PCSK6: variants seen among roughly 807,000 people sequenced by gnomAD.
The protein encoded by PCSK6 is paired basic amino acid cleaving enzyme 4.
A neutral mutation model predicts 123.3 loss-of-function variants in PCSK6; 85 were observed. That is an observed-to-expected ratio of 0.69 (90% CI 0.58 to 0.83). The LOEUF is 0.83. Among genes scored for constraint, PCSK6 ranks in the 40% least tolerant of loss-of-function variants. The pLI, the probability that PCSK6 is intolerant of heterozygous loss-of-function variation, is 0.00. For missense variants in PCSK6, 1,191 were observed against 1,282.3 expected (o/e 0.93, Z 1.09); for synonymous variants, 508 against 516.0 (o/e 0.98, Z 0.21).
intron 13 of PCSK6, among the ~76,000 whole-genome samples, chr15:101,353,327 A>T (rs2040948913): frequency 6.6e-6 from 1 of 152,134 alleles, no homozygotes; most frequent in Non-Finnish European, 1.5e-5. Context: ...TGCCGATGTG[A>T]CAGGAGGTAG....
intron 1 of PCSK6, among the ~76,000 whole-genome samples, chr15:101,482,529 G>C (rs2057914633): frequency 6.6e-6 from 1 of 152,084 alleles, no homozygotes; most frequent in Admixed American, 6.6e-5. Context: ...CTGTGTAGAG[G>C]CTCAGAGATC....
At chr15:101,437,267 C>T (rs992321082) in intron 2 of PCSK6, among the ~76,000 whole-genome samples, 4 of 152,192 alleles carry the variant, frequency 2.6e-5, no homozygotes, top group South Asian at 2.1e-4. Context: ...AAGTGAGAGA[C>T]GATTACATGG....
chr15:101,477,130 T>C (rs2057751527), intron 1 of PCSK6, among the ~76,000 whole-genome samples: 1 of 152,186 alleles, frequency 6.6e-6, no homozygotes. Flanking sequence ...TACGCCAAGG[T>C]ACACTGAGCA....
intron 1 of PCSK6, among the ~76,000 whole-genome samples, chr15:101,482,786 CTGAGTCTGCTCCTGAT>C (rs2057922838): frequency 1.0e-5 from 1 of 100,120 alleles, no homozygotes; most frequent in African/African-American, 3.7e-5. Context: ...AGTCCTGATT[CTGAGTCTGCTCCTGAT>C]TCTGAGTCTG....
At chr15:101,352,789 G>T (rs2040930307) in intron 13 of PCSK6, among the ~76,000 whole-genome samples, 1 of 152,200 alleles carries the variant, frequency 6.6e-6, no homozygotes, top group African/African-American at 2.4e-5. Context: ...TTGTTGCGAT[G>T]TTGATGAGGA....
At chr15:101,311,324 G>A (rs1173728320) in intron 20 of PCSK6, among the ~76,000 whole-genome samples, 2 of 131,432 alleles carry the variant, frequency 1.5e-5, no homozygotes, top group African/African-American at 3.0e-5. Flanking sequence ...AAGGGGTTTT[G>A]CCATGTTGGC....
At chr15:101,409,273 T>C (rs188257585) in intron 6 of PCSK6, among the ~76,000 whole-genome samples, 176 of 121,930 alleles carry the variant, frequency 1.4e-3, no homozygotes, top group African/African-American at 5.2e-3. Context: ...CTGGCCAACA[T>C]GGTGAAACCC....
intron 21 of PCSK6, among the ~76,000 whole-genome samples, 163 bp downstream of exon 21, chr15:101,307,050 C>T (rs971250744): frequency 1.5e-4 from 23 of 152,224 alleles, no homozygotes; most frequent in African/African-American, 4.1e-4. Context: ...CAGCTGTCTT[C>T]CATATCAGCT....
intron 6 of PCSK6, among the ~76,000 whole-genome samples, chr15:101,411,766 G>A (rs926112689): frequency 1.3e-5 from 2 of 152,218 alleles, no homozygotes; most frequent in African/African-American, 2.4e-5. Context: ...CCACCCATGC[G>A]AGGACGAAAT....
chr15:101,366,139 A>G (rs1283258153), intron 13 of PCSK6, 57 bp downstream of exon 13: 57 of 1,537,364 alleles, frequency 3.7e-5, no homozygotes, highest in Non-Finnish European at 4.9e-5. Flanking sequence ...TAAGGCCCAG[A>G]GGTAAAAAGA....
intron 1 of PCSK6, among the ~76,000 whole-genome samples, chr15:101,481,893 A>G (rs1358595183): frequency 6.6e-6 from 1 of 152,148 alleles, no homozygotes; most frequent in Admixed American, 6.5e-5. Flanking sequence ...TCCCTCCAAT[A>G]GAGAGAGGTG....
At chr15:101,469,417 A>G (rs954868577) in intron 1 of PCSK6, among the ~76,000 whole-genome samples, 23 of 152,200 alleles carry the variant, frequency 1.5e-4, no homozygotes, top group Non-Finnish European at 2.9e-4. Flanking sequence ...CCATTCCTTC[A>G]TAAGCTTCTA....
intron 1 of PCSK6, among the ~76,000 whole-genome samples, chr15:101,462,244 G>C (rs775583267): frequency 2.0e-5 from 3 of 152,194 alleles, no homozygotes; most frequent in Non-Finnish European, 1.5e-5. Context: ...TCAGAGATGT[G>C]TAAGTTGTGT....
intron 6 of PCSK6, among the ~76,000 whole-genome samples, chr15:101,414,585 G>A (rs1188439279): frequency 3.9e-5 from 6 of 152,052 alleles, no homozygotes; most frequent in African/African-American, 7.2e-5. Flanking sequence ...ACTGATTAGC[G>A]CTAAACACTG....
chr15:101,403,972 C>T (rs189026223), intron 6 of PCSK6, among the ~76,000 whole-genome samples: 37 of 152,286 alleles, frequency 2.4e-4, no homozygotes, highest in Non-Finnish European at 5.0e-4. Flanking sequence ...CCGCCCACCT[C>T]GCAGGCCATT....
Position 101,398,398 on chromosome 15 carries a change from T to C in PCSK6, c.996+6A>G, listed in dbSNP as rs771324012. 8 of 1,604,768 alleles carry C rather than the reference T, an allele frequency of 5.0e-6. No homozygotes were observed. Among genetic ancestry groups the C allele is most frequent in the African/African-American group, 1.3e-5 (1 of 74,744 alleles). ...AGCGCTCCCCTGTAGCCCTGGTTAC[T>C]CACACCTTTTTAATGCCATACTCGA... is the stretch of plus-strand genomic sequence containing the variant. On this transcript the variant is annotated splice_donor_region_variant and intron_variant, in intron 7 of 21. Coordinates refer to ENST00000611716, the MANE Select transcript of PCSK6 (RefSeq NM_002570.5). This position sits in a 1 kb window ranked among gnomAD's most constrained non-coding sequence, Gnocchi z 4.6.
chr15:101,428,215 A>G (rs996293768), intron 5 of PCSK6, among the ~76,000 whole-genome samples: 1 of 151,832 alleles, frequency 6.6e-6, no homozygotes, highest in African/African-American at 2.4e-5. Context: ...ACGCATGGTC[A>G]CCTCTTCCAG....
chr15:101,425,417 CAG>C (rs2056223224), intron 6 of PCSK6, among the ~76,000 whole-genome samples: 1 of 152,222 alleles, frequency 6.6e-6, no homozygotes, highest in South Asian at 2.1e-4. Context: ...TGGCACACAA[CAG>C]GGAATTTCCC....
intron 7 of PCSK6, among the ~76,000 whole-genome samples, chr15:101,396,599 C>G (rs1317567303): frequency 1.3e-5 from 2 of 151,868 alleles, no homozygotes; most frequent in Non-Finnish European, 2.9e-5. Flanking sequence ...TGGGTTGGAG[C>G]TGGGAGCTAA....
Sources: gnomAD v4.1 joint callset for allele counts (sites outside exome capture counted in the v4.1 genomes callset) on GRCh38, gnomAD v4.1.1 for gene constraint, Gnocchi (gnomAD v3.1) non-coding constraint, MANE v1.5 for transcripts, NCBI Gene and HGNC (gene_info 2026-07-23, HGNC 2026-07-21) for gene names.